The following PRKCH variants were observed in gnomAD, a reference collection of about 807,000 sequenced individuals.
PRKCH encodes protein kinase C eta.
Under a neutral mutation model 82.5 loss-of-function variants are expected in PRKCH, and 28 were observed. The ratio of observed to expected loss-of-function variants is 0.34; its 90% CI spans 0.25 to 0.47. PRKCH has a LOEUF of 0.47. PRKCH is among the 20% of genes least tolerant of loss of function. PRKCH has a pLI of 1.00. For missense variants in PRKCH, 705 were observed against 881.8 expected (o/e 0.80, Z 2.54); for synonymous variants, 322 against 327.4 (o/e 0.98, Z 0.18).
In PRKCH at chr14:61,189,744, C is replaced by CT. The variant is rs141455419; in HGVS notation, c.-19+2086dup. On this transcript the variant is annotated intron_variant, in intron 1 of 3. Transcript: ENST00000555185. ...GTTGCTTTCTTTTAGGAAGTTTGAC[C>CT]TTTTTTTTTTCCTCTCTCATCACTC... Among the ~76,000 whole-genome samples, 74 of 147,920 alleles carry CT rather than the reference C, an allele frequency of 5.0e-4. 1 individual carries two copies. Among genetic ancestry groups the CT allele is most frequent in the East Asian group, 4.1e-3 (21 of 5,084 alleles).
chr14:61,257,871 T>C (rs2045012899), intron 1 of PRKCH, among the ~76,000 whole-genome samples: 1 of 152,144 alleles, frequency 6.6e-6, no homozygotes, highest in Non-Finnish European at 1.5e-5. Context: ...CCTGATACCA[T>C]AAAATGCTTG....
chr14:61,280,896 C>T lies in PRKCH; in HGVS notation c.-19+93228C>T. The T allele has an allele frequency of 2.6e-6, 4 of 1,550,700 alleles. No individual in the cohort carries two copies. Among genetic ancestry groups the T allele is most frequent in the South Asian group, 2.4e-5 (2 of 84,554 alleles). ...AGCAGGGGGGCGGCAGCGCCCGGCCCTGGCCAGCCGCGGCGCACACCGAGC... is the reference window on the plus strand; with the variant it reads ...AGCAGGGGGGCGGCAGCGCCCGGCCTTGGCCAGCCGCGGCGCACACCGAGC... On this transcript the variant is annotated intron_variant, in intron 1 of 3. Transcript: ENST00000555185. The surrounding 1 kb of genome is among the most constrained non-coding windows in gnomAD (Gnocchi z 5.0).
At chr14:61,521,741 T>G (rs752318543) in intron 10 of PRKCH, among the ~76,000 whole-genome samples, 2 of 152,044 alleles carry the variant, frequency 1.3e-5, no homozygotes, top group African/African-American at 4.8e-5. Context: ...CTTAATCTTT[T>G]TAAAGCTTAC....
chr14:61,464,156 A>G (rs545020547), intron 9 of PRKCH, among the ~76,000 whole-genome samples: 2 of 152,306 alleles, frequency 1.3e-5, no homozygotes, highest in East Asian at 3.9e-4. Context: ...CGTTTTCCAA[A>G]TGAGTATACT....
intron 1 of PRKCH, among the ~76,000 whole-genome samples, chr14:61,324,447 A>AT (rs753285080): frequency 9.2e-5 from 14 of 152,100 alleles, no homozygotes; most frequent in Middle Eastern, 3.4e-3. Flanking sequence ...CAGAAGGCAG[A>AT]TTTTTTTTTT....
At chr14:61,406,459 A>G (rs1881957536) in intron 2 of PRKCH, among the ~76,000 whole-genome samples, 1 of 152,222 alleles carries the variant, frequency 6.6e-6, no homozygotes, top group African/African-American at 2.4e-5. Context: ...GCTGCCCATC[A>G]ACTGTTAGAC....
chr14:61,330,916 C>T (rs1219202568), intron 1 of PRKCH, among the ~76,000 whole-genome samples: 1 of 151,598 alleles, frequency 6.6e-6, no homozygotes, highest in Non-Finnish European at 1.5e-5. Flanking sequence ...TTTTGGGTCA[C>T]ACATAAAATA....
Position 61,276,640 on chromosome 14 carries a change from G to A in PRKCH, c.-19+88972G>A, listed in dbSNP as rs143706764. 2.8e-4 allele frequency among the ~76,000 whole-genome samples: 42 copies of A among 151,916 alleles called. 1 individual carries two copies. In the East Asian group the frequency reaches 8.2e-3, roughly 30 times the overall value. ...CAAAGTGCTGGGATTACAGGCATGAGCCACCGCACCTGGCCGGGAATTTAC... is the reference window on the plus strand; with the variant it reads ...CAAAGTGCTGGGATTACAGGCATGAACCACCGCACCTGGCCGGGAATTTAC... On this transcript the variant is annotated intron_variant, in intron 1 of 3. Coordinates refer to the PRKCH transcript ENST00000555185.
chr14:61,444,018 T>C (rs1395328760), intron 3 of PRKCH, among the ~76,000 whole-genome samples: 3 of 152,188 alleles, frequency 2.0e-5, no homozygotes, highest in Non-Finnish European at 2.9e-5. Context: ...GTTGTCAACT[T>C]TAATTATTTT....
chr14:61,420,878 G>C (rs75108714), intron 2 of PRKCH, among the ~76,000 whole-genome samples: 5,706 of 152,190 alleles, frequency 0.037, 324 homozygotes, highest in African/African-American at 0.13. Context: ...CCACTGCCAT[G>C]GGCTGGAGGA....
At chr14:61,192,835 C>T (rs1240090079) in intron 1 of PRKCH, among the ~76,000 whole-genome samples, 1 of 152,220 alleles carries the variant, frequency 6.6e-6, no homozygotes, top group African/African-American at 2.4e-5. Context: ...GACTTTTGGA[C>T]TTCACCTTCC....
chr14:61,249,916 G>A (rs947796518), intron 1 of PRKCH, among the ~76,000 whole-genome samples: 3 of 151,100 alleles, frequency 2.0e-5, no homozygotes, highest in African/African-American at 7.3e-5. Flanking sequence ...ACCACGCTTG[G>A]CCCACCAATG....
intron 1 of PRKCH, among the ~76,000 whole-genome samples, chr14:61,389,934 A>C (rs2046650187): frequency 6.6e-6 from 1 of 152,218 alleles, no homozygotes; most frequent in Non-Finnish European, 1.5e-5. Flanking sequence ...TCGTATCTCT[A>C]GTGAAACTTC....
chr14:61,456,273 T>G (rs189384392), intron 7 of PRKCH, among the ~76,000 whole-genome samples: 94 of 152,344 alleles, frequency 6.2e-4, no homozygotes, highest in Non-Finnish European at 4.4e-5. Context: ...GAGCTGTTAT[T>G]GAATCCAGGC....
chr14:61,258,897 T>C (rs1157321479), intron 1 of PRKCH, among the ~76,000 whole-genome samples: 1 of 152,228 alleles, frequency 6.6e-6, no homozygotes, highest in Non-Finnish European at 1.5e-5. Context: ...TTTTTTAACA[T>C]ATTGGAATGT....
chr14:61,540,701 C>G (rs1270709463), intron 12 of PRKCH, among the ~76,000 whole-genome samples: 1 of 152,198 alleles, frequency 6.6e-6, no homozygotes, highest in East Asian at 1.9e-4. Context: ...ATTCTCTACT[C>G]TCTCCACTCC....
intron 1 of PRKCH, among the ~76,000 whole-genome samples, chr14:61,329,127 A>G (rs1290899432): frequency 4.0e-5 from 6 of 151,596 alleles, no homozygotes; most frequent in Non-Finnish European, 8.8e-5. Flanking sequence ...CACTCTTATC[A>G]TTACTGTATC....
intron 1 of PRKCH, chr14:61,303,030 T>TTTTTTTTA (rs1555374366): frequency 1.3e-5 from 2 of 149,510 alleles, no homozygotes; most frequent in South Asian, 2.1e-4. Flanking sequence ...TTTTTTTTTT[T>TTTTTTTTA]GAGACAGGGT....
chr14:61,430,996 C>G (rs55664838), intron 2 of PRKCH, among the ~76,000 whole-genome samples: 2 of 152,176 alleles, frequency 1.3e-5, no homozygotes, highest in African/African-American at 2.4e-5. Flanking sequence ...CCTCGCGATC[C>G]GCCCGCCTCG....
Sources: gnomAD v4.1 joint callset for allele counts (sites outside exome capture counted in the v4.1 genomes callset) on GRCh38, gnomAD v4.1.1 for gene constraint, Gnocchi (gnomAD v3.1) non-coding constraint, MANE v1.5 for transcripts, NCBI Gene and HGNC (gene_info 2026-07-23, HGNC 2026-07-21) for gene names.